The following CYP4V2 variants were observed in gnomAD, a reference collection of about 807,000 sequenced individuals.
The protein encoded by CYP4V2 is cytochrome P450 4V2.
CYP4V2 carries 55 observed loss-of-function variants against 60.8 expected under a neutral mutation model. That is an observed-to-expected ratio of 0.90 (90% CI 0.73 to 1.13). The LOEUF (loss-of-function observed/expected upper bound fraction) is 1.13. CYP4V2 is among the 50% of genes most tolerant of loss of function. The pLI is 0.00. For missense variants in CYP4V2, 675 were observed against 662.9 expected (o/e 1.02, Z -0.20); for synonymous variants, 239 against 236.8 (o/e 1.01, Z -0.08).
At position 186,209,217 on chromosome 4, in the gene CYP4V2, A is replaced by G. The variant is rs1193589411; in HGVS notation, c.1350A>G (p.Gln450=). The change falls in exon 10 of 11, where the codon CAA becomes CAG. Residue 450 remains glutamine, a synonymous_variant. Coordinates refer to ENST00000378802, the MANE Select transcript of CYP4V2 (RefSeq NM_207352.4). ...QPERFFPENA[Q]GRHPYAYVPF... is the part of the protein sequence containing the mutation. ...AGCGGTTCTTCCCCGAGAATGCACA[A>G]GGGCGCCATCCATATGCCTACGTGC... 2.5e-6 allele frequency: 4 copies of G among 1,613,802 alleles called. No homozygotes were observed. The highest frequency in any genetic ancestry group is 1.1e-5 in the South Asian group (1 of 91,022).
At chr4:186,197,425 T>C (rs1736184130) in intron 4 of CYP4V2, 108 bp from the exon 5 acceptor site, 3 of 1,135,078 alleles carry the variant, frequency 2.6e-6, no homozygotes, top group Non-Finnish European at 4.0e-6. Context: ...TTCTGAAATA[T>C]ACAAGGACAA....
rs1181737367 is a variant in CYP4V2, at chr4:186,194,624, T to C, written c.327+12T>C. On this transcript the variant is annotated intron_variant, in intron 2 of 10. Transcript: ENST00000378802. Reference sequence around the variant, plus strand: ...CAGAAAATGTGGAGGTGGGTACATGTGAATATGATCAGTATTGTACTGTGT... The same window carrying C: ...CAGAAAATGTGGAGGTGGGTACATGCGAATATGATCAGTATTGTACTGTGT... The C allele has an allele frequency of 5.6e-6, 9 of 1,594,974 alleles. No homozygotes were observed. The highest frequency in any genetic ancestry group is 4.4e-5 in the South Asian group (4 of 90,650).
intron 1 of CYP4V2, 24 bp downstream of exon 1, chr4:186,192,061 A>G (rs2126578884): frequency 6.4e-7 from 1 of 1,552,468 alleles, no homozygotes. Flanking sequence ...CTCCTCCTGG[A>G]GCGCAACGGG....
intron 4 of CYP4V2, 110 bp downstream of exon 4, chr4:186,197,240 G>T: frequency 7.5e-7 from 1 of 1,336,108 alleles, no homozygotes; most frequent in Admixed American, 1.7e-5. Flanking sequence ...AGGGTGACGG[G>T]CTCTTCAGCG....
chr4:186,211,126 A>ACTATATC lies in CYP4V2; in HGVS notation c.*486_*487insTATATCC, dbSNP rs1736706242. ...AGTGCTGGGATTATAGTCGTGAGCC[A>ACTATATC]CCACGCCTGGCCAGAGTTTTTTATT... On this transcript the variant is annotated 3_prime_UTR_variant, in exon 11 of 11. Transcript: ENST00000378802. 6.2e-6 allele frequency: 1 copy of ACTATATC among 160,028 alleles called. No homozygotes were observed. Among genetic ancestry groups the ACTATATC allele is most frequent in the African/African-American group, 2.4e-5 (1 of 41,462 alleles). The allele number at this position is 160,028 out of a possible 1,614,324, so 9.9% of individuals were successfully genotyped here. A position where few individuals can be genotyped will look rare whatever the true frequency, so the allele number is the denominator to read the frequency against.
chr4:186,204,919 C>T (rs1189616839), intron 7 of CYP4V2: 1 of 475,008 alleles, frequency 2.1e-6, no homozygotes, highest in Non-Finnish European at 3.9e-6. Flanking sequence ...CAGCTCACCT[C>T]GTGCCCATGG....
chr4:186,209,061 G>C (rs369925567), intron 9 of CYP4V2, 32 bp from the exon 10 acceptor site: 1 of 1,614,026 alleles, frequency 6.2e-7, no homozygotes, highest in Non-Finnish European at 8.5e-7. Context: ...ACCTTGCTCC[G>C]GTCTCATAAT....
At position 186,209,179 on chromosome 4, in the gene CYP4V2, G is replaced by A. The variant is rs558238506; in HGVS notation, c.1312G>A (p.Glu438Lys). The change falls in exon 10 of 11, where the codon GAG becomes AAG. Residue 438 changes from glutamate to lysine, a missense_variant. Transcript: ENST00000378802. The part of the protein sequence containing the change: ...RDPRYFPNPE[E>K]FQPERFFPEN... ...TCCGAGATACTTCCCCAACCCCGAGGAGTTCCAGCCTGAGCGGTTCTTCCC... is the reference window on the plus strand; with the variant it reads ...TCCGAGATACTTCCCCAACCCCGAGAAGTTCCAGCCTGAGCGGTTCTTCCC... 26 of 1,614,042 alleles carry A rather than the reference G, an allele frequency of 1.6e-5. No individual in the cohort carries two copies. In the African/African-American group the frequency reaches 2.9e-4, roughly 18 times the overall value.
At position 186,194,525 on chromosome 4, in the gene CYP4V2, C is replaced by A; in HGVS notation, c.240C>A (p.Tyr80Ter). ...GREFFQQIIE[Y>*]TEEYRHMPLL... ...AATTTTTTCAGCAGATCATTGAGTA[C>A]ACAGAGGAATACCGCCACATGCCGC... The change falls in exon 2 of 11, where the codon TAC becomes TAA. Residue 80 changes from tyrosine (Y) to a stop codon, truncating the protein, a stop_gained. Transcript: ENST00000378802. LOFTEE classifies it high-confidence loss of function. 6.2e-7 allele frequency: 1 copy of A among 1,614,118 alleles called. No individual in the cohort carries two copies.
chr4:186,209,979 A>G (rs1736654323), intron 10 of CYP4V2, among the ~76,000 whole-genome samples: 1 of 152,256 alleles, frequency 6.6e-6, no homozygotes, highest in African/African-American at 2.4e-5. Flanking sequence ...TTGCAAATCA[A>G]AACAGCAAAT....
intron 4 of CYP4V2, 92 bp from the exon 5 acceptor site, chr4:186,197,441 G>T: frequency 8.1e-7 from 1 of 1,238,236 alleles, no homozygotes; most frequent in Admixed American, 1.7e-5. Context: ...GACAAAGCAG[G>T]ATGTACGTCT....
chr4:186,210,443 G>A (rs1239941645), intron 10 of CYP4V2, 26 bp from the exon 11 acceptor site: 3 of 1,613,980 alleles, frequency 1.9e-6, no homozygotes, highest in African/African-American at 1.3e-5. Flanking sequence ...TATAACTAAA[G>A]CGATGGTATC....
chr4:186,192,094 T>G (rs1320412920), intron 1 of CYP4V2, 57 bp downstream of exon 1: 1 of 1,529,388 alleles, frequency 6.5e-7, no homozygotes. Context: ...GTTCCCACCC[T>G]CCGATCAGCC....
intron 7 of CYP4V2, chr4:186,202,765 CA>C (rs1170171120): frequency 1.1e-5 from 1 of 94,512 alleles, no homozygotes; most frequent in African/African-American, 3.9e-5. Flanking sequence ...CATGCACACA[CA>C]AACATATGTA....
At position 186,210,783 on chromosome 4, in the gene CYP4V2, CAA is replaced by C; in HGVS notation, c.*143_*144del. ...TCCTTGATCCCACTGATCTTGACATCAAGTCTAACAAAGAAAAAGTTTTGAGT... is the reference window on the plus strand; with the variant it reads ...TCCTTGATCCCACTGATCTTGACATCGTCTAACAAAGAAAAAGTTTTGAGT... On this transcript the variant is annotated 3_prime_UTR_variant, in exon 11 of 11. Coordinates refer to ENST00000378802, the MANE Select transcript of CYP4V2 (RefSeq NM_207352.4). 1 of 928,290 alleles carries C rather than the reference CAA, an allele frequency of 1.1e-6. No homozygotes were observed. The highest frequency in any genetic ancestry group is 1.7e-5 in the African/African-American group (1 of 58,982). The allele number at this position is 928,290 out of a possible 1,614,324, so 57.5% of individuals were successfully genotyped here.
At chr4:186,202,374 C>T (rs1008603615) in intron 7 of CYP4V2, 1 of 152,144 alleles carries the variant, frequency 6.6e-6, no homozygotes, top group African/African-American at 2.4e-5. Flanking sequence ...ATGCTGGGAC[C>T]ATGACCTCAA....
rs925222658 is a variant in CYP4V2 at position 186,212,362 on chromosome 4, A to G, written c.*1721A>G. The G allele has an allele frequency of 2.0e-5, 3 of 152,196 alleles. No individual in the cohort carries two copies. Among genetic ancestry groups the G allele is most frequent in the Non-Finnish European group, 4.4e-5 (3 of 68,042 alleles). The allele number at this position is 152,196 out of a possible 1,614,324, so 9.4% of individuals were successfully genotyped here. ...AATATCTCACTTAGTTTAGGGTTAG[A>G]TCTTTAGTTAATTCAACCTTATAGA... On this transcript the variant is annotated 3_prime_UTR_variant, in exon 11 of 11. Coordinates refer to ENST00000378802, the MANE Select transcript of CYP4V2 (RefSeq NM_207352.4).
At position 186,210,809 on chromosome 4, in the gene CYP4V2, G is replaced by T; in HGVS notation, c.*168G>T. ...AAGTCTAACAAAGAAAAAGTTTTGA[G>T]TTTTGTATTTTCTTTTTTCTTTTTT... On this transcript the variant is annotated 3_prime_UTR_variant, in exon 11 of 11. Transcript: ENST00000378802. 1.6e-5 allele frequency: 13 copies of T among 788,242 alleles called. No homozygotes were observed. Among genetic ancestry groups the T allele is most frequent in the African/African-American group, 7.1e-5 (4 of 56,266 alleles). 48.8% of individuals were successfully genotyped at this position (788,242 alleles called of 1,614,324 possible). A position where few individuals can be genotyped will look rare whatever the true frequency, so the allele number is the denominator to read the frequency against.
chr4:186,205,300 T>C lies in CYP4V2; in HGVS notation c.1088T>C (p.Phe363Ser). ...KKVDHELDDVFGKSDRPATVE... is the reference protein window; with the variant it reads ...KKVDHELDDVSGKSDRPATVE... ...GTGGATCATGAATTGGATGACGTGT[T>C]TGGTATGTTTGGCCCCTTCACTGGT... is the stretch of plus-strand genomic sequence containing the variant. The change falls in exon 8 of 11, where the codon TTT becomes TCT. Residue 363 changes from phenylalanine to serine, a missense_variant and splice_region_variant. Transcript: ENST00000378802. 2 of 1,613,958 alleles carry C rather than the reference T, an allele frequency of 1.2e-6. No individual in the cohort carries two copies. Among genetic ancestry groups the C allele is most frequent in the Non-Finnish European group, 1.7e-6 (2 of 1,179,828 alleles).
Sources: allele counts gnomAD v4.1 joint callset (sites outside exome capture counted in the v4.1 genomes callset), GRCh38; gene constraint gnomAD v4.1.1; transcripts MANE v1.5; gene names NCBI Gene and HGNC (gene_info 2026-07-23, HGNC 2026-07-21).